Variants in CFAP20DC observed in about 807,000 individuals in gnomAD.
The protein encoded by CFAP20DC is protein CFAP20DC.
A neutral mutation model predicts 101.7 loss-of-function variants in CFAP20DC; 84 were observed. The observed-to-expected ratio is 0.83, with a 90% confidence interval of 0.69 to 0.99. The LOEUF (loss-of-function observed/expected upper bound fraction) is 0.99, where lower values mean the gene tolerates loss of function less well. Ranked by LOEUF, CFAP20DC falls within the 50% of genes least tolerant of loss-of-function variation. The probability of loss-of-function intolerance (pLI) is 0.00; values close to 1 mark genes in which losing one functional copy is unlikely to be tolerated. For missense variants in CFAP20DC, 1,007 were observed against 970.3 expected (o/e 1.04, Z -0.50); for synonymous variants, 359 against 351.2 (o/e 1.02, Z -0.25).
At chr3:58,731,392 T>A (rs775591615) in intron 3 of CFAP20DC, among the ~76,000 whole-genome samples, 11 of 152,196 alleles carry the variant, frequency 7.2e-5, no homozygotes, top group Non-Finnish European at 1.5e-4. Flanking sequence ...TTACACACTG[T>A]CTGTTGTGTT....
intron 4 of CFAP20DC, among the ~76,000 whole-genome samples, chr3:59,037,241 A>C (rs2109186241): frequency 6.6e-6 from 1 of 152,312 alleles, no homozygotes; most frequent in East Asian, 1.9e-4. Context: ...CATGACTAAA[A>C]CACCAAAAGC....
chr3:58,941,457 G>C (rs1055788367), intron 4 of CFAP20DC, among the ~76,000 whole-genome samples: 1 of 147,836 alleles, frequency 6.8e-6, no homozygotes, highest in Non-Finnish European at 1.5e-5. Flanking sequence ...ATTCACTCTT[G>C]AGTTCCAGTA....
rs141628809 is a variant in CFAP20DC, at chr3:59,042,864, C to T, written c.206-3235G>A. ...GATCAGACTCTCAACCTATTTTAAACATAGTGCCAACAAGACCTTCCAGAT... is the reference window on the plus strand; with the variant it reads ...GATCAGACTCTCAACCTATTTTAAATATAGTGCCAACAAGACCTTCCAGAT... On this transcript the variant is annotated intron_variant, in intron 3 of 16. Coordinates refer to ENST00000482387, the MANE Select transcript of CFAP20DC (RefSeq NM_001394063.1). Among the ~76,000 whole-genome samples the T allele has an allele frequency of 4.0e-3, 605 of 152,224 alleles. 1 individual carries two copies. Among genetic ancestry groups the T allele is most frequent in the African/African-American group, 0.014 (564 of 41,534 alleles).
intron 7 of CFAP20DC, 139 bp downstream of exon 7, chr3:58,884,406 C>A (rs919101665): frequency 1.2e-5 from 8 of 681,190 alleles, no homozygotes; most frequent in Middle Eastern, 4.0e-4. Context: ...TAGCCCCTGG[C>A]GTGGTATGTG....
In CFAP20DC at chr3:58,799,446, G is replaced by A. The variant is rs536286212; in HGVS notation, c.2237+6949C>T. ...CCAGGTACTAGAGACTCTTAAGGTA[G>A]AGAAGTATACAGGTGCTCATGGGCT... On this transcript the variant is annotated intron_variant, in intron 15 of 16. Transcript: ENST00000482387. The surrounding 1 kb of genome is among the most constrained non-coding windows in gnomAD (Gnocchi z 4.9). Among the ~76,000 whole-genome samples, 7 of 152,174 alleles carry A rather than the reference G, an allele frequency of 4.6e-5. No homozygotes were observed. Among genetic ancestry groups the A allele is most frequent in the South Asian group, 2.1e-4 (1 of 4,822 alleles).
At chr3:58,910,804 T>G (rs1244463875) in intron 6 of CFAP20DC, among the ~76,000 whole-genome samples, 1 of 152,070 alleles carries the variant, frequency 6.6e-6, no homozygotes, top group Non-Finnish European at 1.5e-5. Context: ...TGGTTTTATA[T>G]CTTCAGAGGA....
intron 14 of CFAP20DC, among the ~76,000 whole-genome samples, chr3:58,830,859 T>C (rs891992875): frequency 1.3e-5 from 2 of 152,232 alleles, no homozygotes; most frequent in African/African-American, 4.8e-5. Context: ...TTATCATTAT[T>C]ATACCAATGA....
At chr3:58,927,048 G>C (rs1230011008) in intron 5 of CFAP20DC, among the ~76,000 whole-genome samples, 19 of 152,012 alleles carry the variant, frequency 1.2e-4, no homozygotes, top group Non-Finnish European at 1.8e-4. Context: ...CAACTAAGTG[G>C]GTACTTCTAT....
intron 4 of CFAP20DC, among the ~76,000 whole-genome samples, chr3:59,010,208 G>A (rs1315604920): frequency 6.6e-6 from 1 of 152,034 alleles, no homozygotes; most frequent in Admixed American, 6.6e-5. Flanking sequence ...CCTCACATCT[G>A]AATACTAACA....
chr3:58,809,996 A>T (rs1022848718), intron 14 of CFAP20DC, among the ~76,000 whole-genome samples: 5 of 152,172 alleles, frequency 3.3e-5, no homozygotes, highest in African/African-American at 1.2e-4. Flanking sequence ...TCCCACGACT[A>T]AACCAGGAAG....
chr3:58,809,397 C>T (rs957830567), intron 14 of CFAP20DC, among the ~76,000 whole-genome samples: 1 of 152,152 alleles, frequency 6.6e-6, no homozygotes, highest in Non-Finnish European at 1.5e-5. Context: ...GATTAAGAAA[C>T]TCACTTAAAA....
At chr3:58,814,247 AT>A (rs1421995362) in intron 14 of CFAP20DC, among the ~76,000 whole-genome samples, 1 of 151,884 alleles carries the variant, frequency 6.6e-6, no homozygotes, top group African/African-American at 2.4e-5. Flanking sequence ...GACTTACTCC[AT>A]CCCTTGGAAA....
chr3:58,752,395 A>G (rs1038614798), intron 16 of CFAP20DC, among the ~76,000 whole-genome samples: 1 of 152,162 alleles, frequency 6.6e-6, no homozygotes, highest in African/African-American at 2.4e-5. Context: ...TAGAATGGCC[A>G]GCACACTTCT....
At chr3:58,919,916 G>A (rs536025677) in intron 5 of CFAP20DC, among the ~76,000 whole-genome samples, 3 of 151,990 alleles carry the variant, frequency 2.0e-5, no homozygotes, top group African/African-American at 7.2e-5. Flanking sequence ...AGATTCCTTA[G>A]AATTGTTTAC....
intron 4 of CFAP20DC, among the ~76,000 whole-genome samples, chr3:58,967,447 G>A (rs980213937): frequency 2.0e-5 from 3 of 152,042 alleles, no homozygotes; most frequent in African/African-American, 7.2e-5. Flanking sequence ...CATGCCCTCA[G>A]GATAGGTAGT....
chr3:58,836,683 C>A (rs1575828444), intron 13 of CFAP20DC, among the ~76,000 whole-genome samples: 1 of 152,122 alleles, frequency 6.6e-6, no homozygotes, highest in East Asian at 1.9e-4. Context: ...GTGACAGTGC[C>A]TGATAGTCAT....
intron 3 of CFAP20DC, among the ~76,000 whole-genome samples, chr3:59,040,384 T>C (rs1699254632): frequency 6.6e-6 from 1 of 152,086 alleles, no homozygotes; most frequent in Admixed American, 6.6e-5. Context: ...GTTCACTTAA[T>C]GCCTTTCCTC....
intron 14 of CFAP20DC, among the ~76,000 whole-genome samples, chr3:58,810,723 A>G (rs56670612): frequency 0.079 from 11,160 of 140,400 alleles, 899 homozygotes; most frequent in East Asian, 0.27. Flanking sequence ...GCAGGAGAAG[A>G]AAATAAAGGG....
chr3:58,936,280 G>A (rs927394632), intron 5 of CFAP20DC, among the ~76,000 whole-genome samples: 2 of 152,152 alleles, frequency 1.3e-5, no homozygotes, highest in Admixed American at 6.5e-5. Flanking sequence ...AACAACAGGT[G>A]CTGGAGAGGA....
Sources: gnomAD v4.1 joint callset for allele counts (sites outside exome capture counted in the v4.1 genomes callset) on GRCh38, gnomAD v4.1.1 for gene constraint, Gnocchi (gnomAD v3.1) non-coding constraint, MANE v1.5 for transcripts, NCBI Gene and HGNC (gene_info 2026-07-23, HGNC 2026-07-21) for gene names.